Variants in UNC13C observed in about 807,000 individuals in gnomAD.
The protein encoded by UNC13C is protein unc-13 homolog C.
Under a neutral mutation model 245.4 loss-of-function variants are expected in UNC13C, and 174 were observed. The observed-to-expected ratio is 0.71, with a 90% confidence interval of 0.63 to 0.80. UNC13C has a LOEUF of 0.80. Ranked by LOEUF, UNC13C falls within the 30% of genes least tolerant of loss-of-function variation. UNC13C has a pLI of 0.00. For missense variants in UNC13C, 2,829 were observed against 2,602.9 expected (o/e 1.09, Z -1.89); for synonymous variants, 992 against 895.1 (o/e 1.11, Z -1.93).
rs78144965 is a variant in UNC13C, at chr15:54,354,001, C to G, written c.4713+15512C>G. On this transcript the variant is annotated intron_variant, in intron 17 of 32. Coordinates refer to ENST00000260323, the MANE Select transcript of UNC13C (RefSeq NM_001080534.3). ...TCCTAGGGAAGAATTGGTTGTCCTG[C>G]CTGCTTCATGTCAGCAAATAACCTT... Among the ~76,000 whole-genome samples the G allele has an allele frequency of 4.0e-3, 615 of 152,266 alleles. 26 individuals carry two copies. In the East Asian group the frequency reaches 0.085, roughly 21 times the overall value.
chr15:54,306,420 G>A (rs1012678238), intron 13 of UNC13C, among the ~76,000 whole-genome samples: 4 of 151,928 alleles, frequency 2.6e-5, no homozygotes, highest in Non-Finnish European at 5.9e-5. Flanking sequence ...CCTTCTCTAA[G>A]GAACACACCA....
chr15:54,045,290 C>T (rs1181012486), intron 2 of UNC13C, among the ~76,000 whole-genome samples: 2 of 152,078 alleles, frequency 1.3e-5, no homozygotes, highest in Non-Finnish European at 2.9e-5. Context: ...AGTTGTCTAG[C>T]AACATTTGTT....
At chr15:54,172,737 T>TATATATATAAATATATATATATATATAA (rs2033460882) in intron 4 of UNC13C, among the ~76,000 whole-genome samples, 1 of 103,668 alleles carries the variant, frequency 9.6e-6, no homozygotes, top group East Asian at 3.9e-4. Flanking sequence ...TATATATATA[T>TATATATATAAATATATATATATATATAA]ATATATATAT....
chr15:54,579,782 C>T (rs1898122319), intron 30 of UNC13C, among the ~76,000 whole-genome samples: 1 of 152,018 alleles, frequency 6.6e-6, no homozygotes, highest in Non-Finnish European at 1.5e-5. Context: ...ACAAGAAAAA[C>T]TTTAGGATTT....
At chr15:54,128,862 G>C (rs529089733) in intron 2 of UNC13C, among the ~76,000 whole-genome samples, 2 of 152,254 alleles carry the variant, frequency 1.3e-5, no homozygotes, top group South Asian at 4.1e-4. Context: ...GATATCAGGG[G>C]AGTAACCTCC....
intron 19 of UNC13C, among the ~76,000 whole-genome samples, chr15:54,431,341 A>G (rs1017641857): frequency 2.0e-5 from 3 of 151,644 alleles, no homozygotes; most frequent in South Asian, 2.1e-4. Flanking sequence ...TTGAGAGCCA[A>G]TACTTTTTCT....
chr15:54,427,879 G>A (rs1453552181), intron 19 of UNC13C, among the ~76,000 whole-genome samples: 1 of 151,754 alleles, frequency 6.6e-6, no homozygotes, highest in African/African-American at 2.4e-5. Flanking sequence ...TGTTGTGCTT[G>A]AAAGACAGTG....
intron 4 of UNC13C, among the ~76,000 whole-genome samples, chr15:54,163,676 G>T (rs1012779153): frequency 6.6e-6 from 1 of 152,166 alleles, no homozygotes; most frequent in African/African-American, 2.4e-5. Flanking sequence ...TCTAACAGAA[G>T]TCATTTACCC....
chr15:54,373,475 C>T (rs2039537892), intron 17 of UNC13C, among the ~76,000 whole-genome samples: 1 of 152,136 alleles, frequency 6.6e-6, no homozygotes, highest in Non-Finnish European at 1.5e-5. Flanking sequence ...CTCTGCACAG[C>T]CAGGCACACT....
chr15:54,298,505 A>G (rs1448611390), intron 12 of UNC13C, among the ~76,000 whole-genome samples: 1 of 152,170 alleles, frequency 6.6e-6, no homozygotes, highest in African/African-American at 2.4e-5. Context: ...CATACTGCAC[A>G]GTCCTCCGTG....
intron 8 of UNC13C, among the ~76,000 whole-genome samples, chr15:54,259,522 T>G (rs1238578530): frequency 6.6e-6 from 1 of 152,128 alleles, no homozygotes; most frequent in Non-Finnish European, 1.5e-5. Context: ...TTCACTACCA[T>G]GAGAACAGTG....
chr15:54,009,279 T>C (rs566068132), intron 1 of UNC13C, among the ~76,000 whole-genome samples: 1 of 152,320 alleles, frequency 6.6e-6, no homozygotes, highest in South Asian at 2.1e-4. Flanking sequence ...GCAGAATTCT[T>C]AGATTGCCCC....
intron 24 of UNC13C, chr15:54,512,249 T>C (rs777746686): frequency 2.3e-6 from 1 of 434,418 alleles, no homozygotes; most frequent in Non-Finnish European, 4.6e-6. Context: ...GGAGTTTATT[T>C]TTCACATTGA....
the UNC13C span, among the ~76,000 whole-genome samples, chr15:53,905,012 G>C: frequency 2.2e-4 from 33 of 152,220 alleles, no homozygotes; most frequent in African/African-American, 7.0e-4. Context: ...ATTGAGGCAT[G>C]CATAGACAGA....
intron 2 of UNC13C, among the ~76,000 whole-genome samples, chr15:54,076,098 C>T (rs1898603333): frequency 8.3e-6 from 1 of 120,680 alleles, no homozygotes; most frequent in Non-Finnish European, 1.7e-5. Context: ...TCCCAGTATT[C>T]ATATATATAT....
intron 17 of UNC13C, among the ~76,000 whole-genome samples, chr15:54,390,876 T>A (rs1177360192): frequency 6.6e-6 from 1 of 151,738 alleles, no homozygotes; most frequent in East Asian, 1.9e-4. Flanking sequence ...TACAATACGC[T>A]ATTAAAGTAG....
intron 1 of UNC13C, among the ~76,000 whole-genome samples, chr15:53,986,736 A>T (rs1457504190): frequency 6.6e-6 from 1 of 151,826 alleles, no homozygotes; most frequent in African/African-American, 2.4e-5. Context: ...TTAATCTCTT[A>T]GTTCAGTTAT....
intron 19 of UNC13C, among the ~76,000 whole-genome samples, chr15:54,448,882 C>G (rs961350503): frequency 6.6e-6 from 1 of 152,168 alleles, no homozygotes; most frequent in African/African-American, 2.4e-5. Flanking sequence ...ATGGTCTTTA[C>G]AATTTGACAT....
intron 4 of UNC13C, among the ~76,000 whole-genome samples, chr15:54,178,778 C>G (rs1276671237): frequency 6.6e-6 from 1 of 152,146 alleles, no homozygotes; most frequent in African/African-American, 2.4e-5. Flanking sequence ...TTTGCCAAAT[C>G]TGGGGGTCAT....
Sources: gnomAD v4.1 joint callset for allele counts (sites outside exome capture counted in the v4.1 genomes callset) on GRCh38, gnomAD v4.1.1 for gene constraint, MANE v1.5 for transcripts, NCBI Gene and HGNC (gene_info 2026-07-23, HGNC 2026-07-21) for gene names.